HS3ST5: variants seen among roughly 807,000 people sequenced by gnomAD.
HS3ST5 encodes the protein heparan sulfate glucosamine 3-O-sulfotransferase 5.
HS3ST5 carries 10 observed loss-of-function variants against 25.4 expected under a neutral mutation model. The observed-to-expected ratio is 0.39, with a 90% confidence interval of 0.24 to 0.67. The LOEUF (loss-of-function observed/expected upper bound fraction) is 0.67, where lower values mean the gene tolerates loss of function less well. Among genes scored for constraint, HS3ST5 ranks in the 30% least tolerant of loss-of-function variants. The probability of loss-of-function intolerance (pLI) is 0.44; values close to 1 mark genes in which losing one functional copy is unlikely to be tolerated. For missense variants in HS3ST5, 324 were observed against 420.7 expected (o/e 0.77, Z 2.01); for synonymous variants, 170 against 162.4 (o/e 1.05, Z -0.36).
At chr6:114,292,172 T>C (rs1449151620) in intron 1 of HS3ST5, among the ~76,000 whole-genome samples, 2 of 152,196 alleles carry the variant, frequency 1.3e-5, no homozygotes, top group African/African-American at 2.4e-5. Flanking sequence ...TTGTAGACAA[T>C]AGTATTTTTG....
chr6:114,340,228 C>T (rs2114944704), intron 1 of HS3ST5, among the ~76,000 whole-genome samples: 1 of 152,296 alleles, frequency 6.6e-6, no homozygotes, highest in Non-Finnish European at 1.5e-5. Flanking sequence ...TGAGCTCTGG[C>T]TCAACCTAGA....
chr6:114,240,247 T>G (rs1410017710), intron 1 of HS3ST5, among the ~76,000 whole-genome samples: 1 of 152,206 alleles, frequency 6.6e-6, no homozygotes, highest in Non-Finnish European at 1.5e-5. Flanking sequence ...GTAGTGGTGG[T>G]AGTTTTCAGC....
intron 1 of HS3ST5, among the ~76,000 whole-genome samples, chr6:114,256,209 A>T (rs7746450): frequency 0.22 from 33,639 of 151,878 alleles, 4,183 homozygotes; most frequent in African/African-American, 0.34. Context: ...TAACACAGTG[A>T]AACCTCGTCT....
intron 3 of HS3ST5, among the ~76,000 whole-genome samples, chr6:114,123,640 A>G (rs1180386484): frequency 6.6e-6 from 1 of 152,220 alleles, no homozygotes; most frequent in Non-Finnish European, 1.5e-5. Context: ...CCCATTCAGC[A>G]TGCTAATCCA....
chr6:114,124,649 CA>C (rs1301624811), intron 3 of HS3ST5, among the ~76,000 whole-genome samples: 2 of 135,880 alleles, frequency 1.5e-5, no homozygotes, highest in African/African-American at 5.5e-5. Context: ...TTTTTTTAAT[CA>C]AATGGGACCA....
intron 3 of HS3ST5, among the ~76,000 whole-genome samples, chr6:114,134,943 C>A (rs369328187): frequency 1.3e-5 from 2 of 152,212 alleles, no homozygotes; most frequent in African/African-American, 4.8e-5. Flanking sequence ...CATGCGGGTG[C>A]CACGGCACAA....
In HS3ST5 at chr6:114,264,946, C is replaced by G. The variant is rs548601168; in HGVS notation, c.-338-36168G>C. ...CCAGGCTGGAATGCGGTGACACGAT[C>G]ATAGCTCACTGCAGCTTTGAACTCC... is the stretch of plus-strand genomic sequence containing the variant. On this transcript the variant is annotated intron_variant, in intron 1 of 4. Coordinates refer to ENST00000312719, the MANE Select transcript of HS3ST5 (RefSeq NM_153612.4). Among the ~76,000 whole-genome samples the G allele has an allele frequency of 3.9e-5, 6 of 152,316 alleles. No homozygotes were observed. The East Asian group carries it at 1.2e-3, about 30-fold the overall frequency.
At chr6:114,069,448 T>G (rs2114726768) in intron 3 of HS3ST5, among the ~76,000 whole-genome samples, 1 of 152,122 alleles carries the variant, frequency 6.6e-6, no homozygotes, top group Middle Eastern at 3.4e-3. Context: ...CAGAATTATC[T>G]GACCCCAAAG....
chr6:114,106,196 G>A (rs775822424), intron 3 of HS3ST5, among the ~76,000 whole-genome samples: 2 of 152,098 alleles, frequency 1.3e-5, no homozygotes, highest in Middle Eastern at 3.4e-3. Flanking sequence ...AGAAATGCAC[G>A]AACTATCCCT....
At chr6:114,279,905 C>T (rs2114733322) in intron 1 of HS3ST5, among the ~76,000 whole-genome samples, 1 of 152,052 alleles carries the variant, frequency 6.6e-6, no homozygotes, top group Non-Finnish European at 1.5e-5. Context: ...ATCCTGCTCC[C>T]TGACCTCCAA....
In HS3ST5 at chr6:114,056,755, A is replaced by G. The variant is rs1772789754; in HGVS notation, c.*502T>C. ...TGGAACAATGTCAATTTTATGAGAT[A>G]AGACGTTCTTTTAAATAATAAGAAA... On this transcript the variant is annotated 3_prime_UTR_variant, in exon 5 of 5. Coordinates refer to ENST00000312719, the MANE Select transcript of HS3ST5 (RefSeq NM_153612.4). 6.5e-6 allele frequency: 1 copy of G among 152,936 alleles called. No individual in the cohort carries two copies. Among genetic ancestry groups the G allele is most frequent in the African/African-American group, 2.4e-5 (1 of 41,464 alleles). The allele number at this position is 152,936 out of a possible 1,614,324, so 9.5% of individuals were successfully genotyped here.
chr6:114,293,783 A>C (rs1774688501), intron 1 of HS3ST5, among the ~76,000 whole-genome samples: 1 of 152,202 alleles, frequency 6.6e-6, no homozygotes. Context: ...GCCTGAGAAG[A>C]AGCAGAAAGA....
At position 114,170,313 on chromosome 6, in the gene HS3ST5, T is replaced by A. The variant is rs12662073; in HGVS notation, c.-144-1851A>T. Reference sequence around the variant, plus strand: ...TGTAAATATAGAGTATATATATCCATAATTTATAAAATGATTTTTTGAGTG... The same window carrying A: ...TGTAAATATAGAGTATATATATCCAAAATTTATAAAATGATTTTTTGAGTG... On this transcript the variant is annotated intron_variant, in intron 2 of 4. Transcript: ENST00000312719. 1.9e-4 allele frequency among the ~76,000 whole-genome samples: 29 copies of A among 152,260 alleles called. No homozygotes were observed. The East Asian group carries it at 4.0e-3, about 21-fold the overall frequency.
chr6:114,118,176 G>A (rs571551435), intron 3 of HS3ST5, among the ~76,000 whole-genome samples: 7 of 152,256 alleles, frequency 4.6e-5, no homozygotes, highest in Admixed American at 4.6e-4. Context: ...CAGTCCTCAA[G>A]GCAGATGACC....
chr6:114,223,358 T>C (rs1399059158), intron 2 of HS3ST5, among the ~76,000 whole-genome samples: 1 of 151,804 alleles, frequency 6.6e-6, no homozygotes, highest in Non-Finnish European at 1.5e-5. Context: ...CTAAGCGGCT[T>C]TGCATGATAA....
intron 1 of HS3ST5, among the ~76,000 whole-genome samples, chr6:114,234,143 CCT>C (rs1440177823): frequency 6.6e-6 from 1 of 152,050 alleles, no homozygotes; most frequent in African/African-American, 2.4e-5. Context: ...GAATAAAATT[CCT>C]GAGTAGGCTT....
chr6:114,209,957 A>C (rs1283488578), intron 2 of HS3ST5, among the ~76,000 whole-genome samples: 1 of 152,176 alleles, frequency 6.6e-6, no homozygotes, highest in Non-Finnish European at 1.5e-5. Flanking sequence ...TTTTTAAAAA[A>C]ATCTATTAAA....
At chr6:114,223,456 G>T (rs1237349296) in intron 2 of HS3ST5, among the ~76,000 whole-genome samples, 1 of 151,740 alleles carries the variant, frequency 6.6e-6, no homozygotes, top group African/African-American at 2.4e-5. Context: ...TTAGGAGTCT[G>T]CAAAATGAAG....
intron 1 of HS3ST5, among the ~76,000 whole-genome samples, chr6:114,243,306 G>GAA (rs200682241): frequency 0.013 from 1,955 of 152,280 alleles, 40 homozygotes; most frequent in African/African-American, 0.045. Flanking sequence ...ATGCAGAAGT[G>GAA]AAATCATCAG....
Sources: gnomAD v4.1 joint callset for allele counts (sites outside exome capture counted in the v4.1 genomes callset) on GRCh38, gnomAD v4.1.1 for gene constraint, MANE v1.5 for transcripts, NCBI Gene and HGNC (gene_info 2026-07-23, HGNC 2026-07-21) for gene names.